MRE11: variants seen among roughly 807,000 people sequenced by gnomAD.
The protein encoded by MRE11 is double-strand break repair protein MRE11.
In MRE11, 62 loss-of-function variants were observed where a neutral mutation model predicts 91.7. That is an observed-to-expected ratio of 0.68 (90% confidence interval 0.55 to 0.84). The LOEUF (loss-of-function observed/expected upper bound fraction) is 0.84. Among genes scored for constraint, MRE11 ranks in the 40% least tolerant of loss-of-function variants. MRE11 has a pLI of 0.00. For synonymous variants in MRE11, 273 were observed against 271.4 expected (o/e 1.01, Z -0.06); for missense variants, 796 against 852.9 (o/e 0.93, Z 0.83).
In MRE11 at chr11:94,459,283, T is replaced by G. The variant is rs758387803; in HGVS notation, c.1500+125A>C. On this transcript the variant is annotated intron_variant, in intron 13 of 19. Transcript: ENST00000323929. ...TTAACCTTCATTTTATCATTTCAAT[T>G]TTATAGATGAGAAAAACTAAACAAA... 36 of 1,004,730 alleles carry G rather than the reference T, an allele frequency of 3.6e-5. No homozygotes were observed. In the African/African-American group the frequency reaches 4.4e-4, roughly 12 times the overall value. 62.2% of individuals were successfully genotyped at this position (1,004,730 alleles called of 1,614,324 possible). A position where few individuals can be genotyped will look rare whatever the true frequency, so the allele number is the denominator to read the frequency against.
At chr11:94,423,472 G>A (rs957324810) in intron 19 of MRE11, among the ~76,000 whole-genome samples, 1 of 152,196 alleles carries the variant, frequency 6.6e-6, no homozygotes, top group South Asian at 2.1e-4. Context: ...GGCCATAGGC[G>A]CCCATCCCCT....
Position 94,419,511 on chromosome 11 carries a change from C to T in MRE11, c.*614G>A, listed in dbSNP as rs1030723518. 4.5e-6 allele frequency: 1 copy of T among 222,584 alleles called. No homozygotes were observed. 13.8% of individuals were successfully genotyped at this position (222,584 alleles called of 1,614,324 possible). A position where few individuals can be genotyped will look rare whatever the true frequency, so the allele number is the denominator to read the frequency against. ...GAGAGAGAGAACACCATTAAGGATA[C>T]AGAATAATAAAGGAAATTACTACCA... On this transcript the variant is annotated 3_prime_UTR_variant, in exon 20 of 20. Coordinates refer to ENST00000323929, the MANE Select transcript of MRE11 (RefSeq NM_005591.4).
the MRE11 span, among the ~76,000 whole-genome samples, chr11:94,499,789 TCTTTA>T: frequency 6.6e-6 from 1 of 152,204 alleles, no homozygotes; most frequent in Non-Finnish European, 1.5e-5. Flanking sequence ...AACCAGTTGC[TCTTTA>T]CTTCAGTTAA....
chr11:94,509,926 C>G, the MRE11 span, among the ~76,000 whole-genome samples: 1 of 152,096 alleles, frequency 6.6e-6, no homozygotes, highest in Non-Finnish European at 1.5e-5. Flanking sequence ...GTTATATTTG[C>G]TAATATTTTA....
rs138657085 is a variant in MRE11 at position 94,431,924 on chromosome 11, A to G, written c.1995-1938T>C. On this transcript the variant is annotated intron_variant, in intron 18 of 19. Coordinates refer to ENST00000323929, the MANE Select transcript of MRE11 (RefSeq NM_005591.4). ...TTTTTTCTTTAATATCCTTAAGCAT[A>G]TATCAAAAATATCAGAATAGCATTT... is the stretch of plus-strand genomic sequence containing the variant. Among the ~76,000 whole-genome samples, 42 of 152,294 alleles carry G rather than the reference A, an allele frequency of 2.8e-4. No homozygotes were observed. In the East Asian group the frequency reaches 6.6e-3, roughly 24 times the overall value.
chr11:94,485,567 T>A (rs1236751581), intron 4 of MRE11, among the ~76,000 whole-genome samples: 1 of 151,056 alleles, frequency 6.6e-6, no homozygotes, highest in Non-Finnish European at 1.5e-5. Flanking sequence ...GATACCAAAA[T>A]GTACAATATA....
At chr11:94,488,357 G>A (rs375572424) in intron 3 of MRE11, among the ~76,000 whole-genome samples, 19 of 152,184 alleles carry the variant, frequency 1.2e-4, no homozygotes, top group African/African-American at 4.6e-4. Flanking sequence ...TGTTGATGGG[G>A]GTGTAAACTG....
chr11:94,494,461 A>G (rs1317196447), upstream of MRE11, among the ~76,000 whole-genome samples: 1 of 152,158 alleles, frequency 6.6e-6, no homozygotes, highest in Non-Finnish European at 1.5e-5. Context: ...ATCTAGGGCA[A>G]GTTGTTTTAA....
At chr11:94,438,082 C>T (rs1169950065) in intron 16 of MRE11, among the ~76,000 whole-genome samples, 1 of 152,084 alleles carries the variant, frequency 6.6e-6, no homozygotes, top group Admixed American at 6.6e-5. Context: ...GAGCCGAGAT[C>T]GTGCCACTGT....
intron 14 of MRE11, among the ~76,000 whole-genome samples, chr11:94,452,562 T>C (rs756271667): frequency 6.6e-6 from 1 of 152,212 alleles, no homozygotes; most frequent in Non-Finnish European, 1.5e-5. Flanking sequence ...TGGAATCAAT[T>C]ACTAACCATC....
chr11:94,505,215 T>TA, the MRE11 span, among the ~76,000 whole-genome samples: 44 of 152,230 alleles, frequency 2.9e-4, no homozygotes, highest in African/African-American at 9.6e-4. Flanking sequence ...TTCTACTTAT[T>TA]AAAAAAAGTG....
chr11:94,506,421 T>C, the MRE11 span, among the ~76,000 whole-genome samples: 1 of 152,056 alleles, frequency 6.6e-6, no homozygotes, highest in Admixed American at 6.5e-5. Flanking sequence ...TGCATTGGTA[T>C]ATAATTGAAG....
In MRE11 at chr11:94,457,887, T is replaced by TCTCTCTCTCACACA. The variant is rs372404360; in HGVS notation, c.1500+1520_1500+1521insTGTGTGAGAGAGAG. On this transcript the variant is annotated intron_variant, in intron 13 of 19. Transcript: ENST00000323929. ...TTCTCTCTCTCCCTCTCTCTCTCTC[T>TCTCTCTCTCACACA]CACACACACACACACACACACACAC... Among the ~76,000 whole-genome samples, 116 of 144,300 alleles carry TCTCTCTCTCACACA rather than the reference T, an allele frequency of 8.0e-4. 2 individuals are homozygous for TCTCTCTCTCACACA. Among genetic ancestry groups the TCTCTCTCTCACACA allele is most frequent in the African/African-American group, 2.8e-3 (108 of 38,658 alleles). The allele number at this position is 144,300 out of a possible 152,430, so 94.7% of individuals were successfully genotyped here.
chr11:94,484,095 G>C (rs1947077820), intron 4 of MRE11, among the ~76,000 whole-genome samples: 1 of 152,042 alleles, frequency 6.6e-6, no homozygotes, highest in Non-Finnish European at 1.5e-5. Flanking sequence ...CAGAAGAAAA[G>C]GTGGGATATA....
the MRE11 span, among the ~76,000 whole-genome samples, chr11:94,508,676 A>G: frequency 6.6e-6 from 1 of 152,026 alleles, no homozygotes; most frequent in African/African-American, 2.4e-5. Context: ...GCTTTATCAT[A>G]AGTCTTATTA....
chr11:94,417,024 T>TA lies in MRE11; in HGVS notation c.*3100_*3101insT, dbSNP rs1158324343. The stretch of plus-strand genomic sequence containing the variant: ...TGAGTTTCACTCTTGTTGCCCAGGC[T>TA]GCAGTGCAATGGCACAATCTCGGCT... On this transcript the variant is annotated 3_prime_UTR_variant, in exon 20 of 20. Transcript: ENST00000323929. 1.3e-5 allele frequency: 2 copies of TA among 152,568 alleles called. No individual in the cohort carries two copies. The highest frequency in any genetic ancestry group is 4.8e-5 in the African/African-American group (2 of 41,432). 9.5% of individuals were successfully genotyped at this position (152,568 alleles called of 1,614,324 possible).
In MRE11 at chr11:94,419,607, T is replaced by C. The variant is rs930641196; in HGVS notation, c.*518A>G. 1 of 233,098 alleles carries C rather than the reference T, an allele frequency of 4.3e-6. No individual in the cohort carries two copies. The highest frequency in any genetic ancestry group is 8.5e-6 in the Non-Finnish European group (1 of 118,098). 14.4% of individuals were successfully genotyped at this position (233,098 alleles called of 1,614,324 possible). A position where few individuals can be genotyped will look rare whatever the true frequency, so the allele number is the denominator to read the frequency against. ...AAAAAACTCAGTAATTCTGAAAGGT[T>C]ATTCTACTCTTTTAAATAAAAACAT... On this transcript the variant is annotated 3_prime_UTR_variant, in exon 20 of 20. Coordinates refer to ENST00000323929, the MANE Select transcript of MRE11 (RefSeq NM_005591.4).
chr11:94,453,954 AAT>A (rs1181015892), intron 14 of MRE11, among the ~76,000 whole-genome samples: 1 of 152,200 alleles, frequency 6.6e-6, no homozygotes, highest in Non-Finnish European at 1.5e-5. Flanking sequence ...AAAACACAAG[AAT>A]ATGTGATAGA....
intron 13 of MRE11, among the ~76,000 whole-genome samples, chr11:94,458,890 CATTAAT>C (rs779194109): frequency 5.9e-5 from 9 of 152,076 alleles, no homozygotes; most frequent in Non-Finnish European, 7.4e-5. Context: ...TCTAAGAGCT[CATTAAT>C]ATTAAGAATA....
Sources: gnomAD v4.1 joint callset for allele counts (sites outside exome capture counted in the v4.1 genomes callset) on GRCh38, gnomAD v4.1.1 for gene constraint, MANE v1.5 for transcripts, NCBI Gene and HGNC (gene_info 2026-07-23, HGNC 2026-07-21) for gene names.